CDK19: variants seen among roughly 807,000 people sequenced by gnomAD.
The protein encoded by CDK19 is cyclin dependent kinase 19.
In CDK19, 20 loss-of-function variants were observed where a neutral mutation model predicts 68.3. The ratio of observed to expected loss-of-function variants is 0.29; its 90% CI spans 0.21 to 0.43. The LOEUF is 0.43. Ranked by LOEUF, CDK19 falls within the 20% of genes least tolerant of loss-of-function variation. CDK19 has a pLI of 1.00. For missense variants in CDK19, 339 were observed against 623.5 expected (o/e 0.54, Z 4.86); for synonymous variants, 221 against 222.8 (o/e 0.99, Z 0.07).
chr6:110,727,026 T>G (rs2114774972), intron 2 of CDK19, among the ~76,000 whole-genome samples: 1 of 152,324 alleles, frequency 6.6e-6, no homozygotes, highest in African/African-American at 2.4e-5. Flanking sequence ...TTTATAGTTT[T>G]ATTATAGGTC....
intron 4 of CDK19, among the ~76,000 whole-genome samples, chr6:110,658,031 G>A (rs546927831): frequency 6.6e-5 from 10 of 152,312 alleles, no homozygotes; most frequent in African/African-American, 2.2e-4. Flanking sequence ...CATAGCCCAT[G>A]TCTAGAAAAC....
At chr6:110,783,856 T>A (rs1037968542) in intron 1 of CDK19, among the ~76,000 whole-genome samples, 3 of 151,652 alleles carry the variant, frequency 2.0e-5, no homozygotes, top group African/African-American at 7.3e-5. Context: ...AAGAAGTGAA[T>A]CATCAAGAAA....
At position 110,621,169 on chromosome 6, in the gene CDK19, T is replaced by C. The variant is rs759343831; in HGVS notation, c.1312A>G (p.Lys438Glu). 5 of 1,614,148 alleles carry C rather than the reference T, an allele frequency of 3.1e-6. No homozygotes were observed. The highest frequency in any genetic ancestry group is 3.4e-6 in the Non-Finnish European group (4 of 1,180,026). Reference sequence around the variant, plus strand: ...CCTGAAGGCCCTAGCCGTGGCTTCTTGTTTGGAGGCACCTGGTTCAGGCTG... The same window carrying C: ...CCTGAAGGCCCTAGCCGTGGCTTCTCGTTTGGAGGCACCTGGTTCAGGCTG... Reference protein sequence around the residue: ...DSSLNQVPPNKKPRLGPSGAN... With the variant: ...DSSLNQVPPNEKPRLGPSGAN... The change falls in exon 12 of 13, where the codon AAG becomes GAG. Residue 438 changes from lysine (K) to glutamate (E), a missense_variant. Transcript: ENST00000368911. The surrounding 1 kb of genome is among the most constrained non-coding windows in gnomAD (Gnocchi z 5.4).
chr6:110,687,584 C>T (rs995392361), intron 2 of CDK19, among the ~76,000 whole-genome samples: 10 of 152,146 alleles, frequency 6.6e-5, no homozygotes, highest in Admixed American at 5.9e-4. Flanking sequence ...AAACTGGGTA[C>T]GTGTTATGAG....
At chr6:110,696,764 A>T (rs1773518855) in intron 2 of CDK19, among the ~76,000 whole-genome samples, 1 of 152,050 alleles carries the variant, frequency 6.6e-6, no homozygotes, top group Non-Finnish European at 1.5e-5. Context: ...TCTACTAAAG[A>T]TACAAAAAAT....
At chr6:110,750,332 A>AT (rs1778390745) in intron 1 of CDK19, among the ~76,000 whole-genome samples, 13 of 108,854 alleles carry the variant, frequency 1.2e-4, no homozygotes, top group Non-Finnish European at 2.1e-4. Flanking sequence ...TCAGTGATGA[A>AT]GAAACTAGGC....
At chr6:110,726,767 GAA>G (rs1776343866) in intron 2 of CDK19, among the ~76,000 whole-genome samples, 1 of 152,166 alleles carries the variant, frequency 6.6e-6, no homozygotes, top group East Asian at 1.9e-4. Flanking sequence ...AAAGGTGCTG[GAA>G]AAAAGTCCAC....
intron 4 of CDK19, among the ~76,000 whole-genome samples, chr6:110,648,808 C>T (rs1780785310): frequency 6.6e-6 from 1 of 151,978 alleles, no homozygotes; most frequent in Non-Finnish European, 1.5e-5. Flanking sequence ...AGCTCCACCT[C>T]CCGGGTTCAC....
chr6:110,767,871 G>C (rs1779703640), intron 1 of CDK19, among the ~76,000 whole-genome samples: 2 of 152,024 alleles, frequency 1.3e-5, no homozygotes, highest in Admixed American at 1.3e-4. Context: ...CTTTTGCTTT[G>C]TGAAAGATAT....
At chr6:110,654,821 A>T (rs1781200636) in intron 4 of CDK19, among the ~76,000 whole-genome samples, 1 of 152,004 alleles carries the variant, frequency 6.6e-6, no homozygotes, top group African/African-American at 2.4e-5. Context: ...CATGCCTGTA[A>T]TCCCAGCTAC....
intron 1 of CDK19, among the ~76,000 whole-genome samples, chr6:110,757,783 T>C (rs967814038): frequency 1.3e-5 from 2 of 152,230 alleles, no homozygotes; most frequent in African/African-American, 4.8e-5. Context: ...ACCTAGGCAT[T>C]CAAGGCAGCT....
At chr6:110,692,644 G>A (rs1773110018) in intron 2 of CDK19, among the ~76,000 whole-genome samples, 1 of 151,884 alleles carries the variant, frequency 6.6e-6, no homozygotes, top group South Asian at 2.1e-4. Context: ...AAGAACTCCT[G>A]GAAAATTCAT....
At chr6:110,796,959 A>C (rs1481191005) in intron 1 of CDK19, among the ~76,000 whole-genome samples, 1 of 151,050 alleles carries the variant, frequency 6.6e-6, no homozygotes, top group Non-Finnish European at 1.5e-5. Flanking sequence ...GCAGTGAGCC[A>C]AGATTGTGCC....
At chr6:110,710,816 G>T (rs185269889) in intron 2 of CDK19, among the ~76,000 whole-genome samples, 1 of 152,292 alleles carries the variant, frequency 6.6e-6, no homozygotes, top group Admixed American at 6.5e-5. Flanking sequence ...GAATTTTGGA[G>T]GGACACAAAC....
chr6:110,618,456 C>T (rs1778488994), intron 12 of CDK19, among the ~76,000 whole-genome samples: 1 of 152,224 alleles, frequency 6.6e-6, no homozygotes, highest in African/African-American at 2.4e-5. Context: ...CGTATACCCA[C>T]ACTCCCCTTT....
chr6:110,631,257 C>T (rs1779417774), intron 6 of CDK19, among the ~76,000 whole-genome samples: 2 of 152,094 alleles, frequency 1.3e-5, no homozygotes, highest in Non-Finnish European at 2.9e-5. Context: ...AGAACTATCC[C>T]TTCTAACAGC....
At chr6:110,800,139 A>G (rs1782247930) in intron 1 of CDK19, among the ~76,000 whole-genome samples, 1 of 152,226 alleles carries the variant, frequency 6.6e-6, no homozygotes, top group Non-Finnish European at 1.5e-5. Flanking sequence ...TACTACAAAC[A>G]TTATTACAAA....
intron 2 of CDK19, among the ~76,000 whole-genome samples, chr6:110,739,764 A>G (rs1346304910): frequency 6.6e-6 from 1 of 150,962 alleles, no homozygotes; most frequent in Non-Finnish European, 1.5e-5. Context: ...CCAGGTAGCT[A>G]GGACTACAGG....
chr6:110,774,936 A>G (rs1780289003), intron 1 of CDK19, among the ~76,000 whole-genome samples: 1 of 152,082 alleles, frequency 6.6e-6, no homozygotes, highest in African/African-American at 2.4e-5. Context: ...GCGACAGAGC[A>G]AGACCCTATT....
Sources: allele counts gnomAD v4.1 joint callset (sites outside exome capture counted in the v4.1 genomes callset), GRCh38; gene constraint gnomAD v4.1.1; non-coding constraint Gnocchi (gnomAD v3.1); transcripts MANE v1.5; gene names NCBI Gene and HGNC (gene_info 2026-07-23, HGNC 2026-07-21).